The following PACRG variants were observed in gnomAD, a reference collection of about 807,000 sequenced individuals.
The protein encoded by PACRG is parkin coregulated, also known as parkin coregulated gene protein.
Under a neutral mutation model 29.7 loss-of-function variants are expected in PACRG, and 29 were observed. The observed-to-expected ratio is 0.98, with a 90% CI of 0.73 to 1.33. PACRG has a LOEUF of 1.33. Among genes scored for constraint, PACRG ranks in the 40% most tolerant of loss-of-function variants. The pLI is 0.00. For missense variants in PACRG, 279 were observed against 316.2 expected (o/e 0.88, Z 0.89); for synonymous variants, 116 against 118.7 (o/e 0.98, Z 0.15).
At chr6:163,104,868 G>A (rs1815295517) in intron 4 of PACRG, among the ~76,000 whole-genome samples, 1 of 152,114 alleles carries the variant, frequency 6.6e-6, no homozygotes, top group African/African-American at 2.4e-5. Flanking sequence ...TTGCCAAATT[G>A]ATATTTCAAG....
intron 4 of PACRG, among the ~76,000 whole-genome samples, chr6:163,154,073 T>C (rs566424859): frequency 6.6e-6 from 1 of 152,316 alleles, no homozygotes; most frequent in East Asian, 1.9e-4. Flanking sequence ...TAACATCTCC[T>C]TTCCCCAGGA....
At chr6:163,142,869 C>A (rs888707469) in intron 4 of PACRG, among the ~76,000 whole-genome samples, 2 of 152,092 alleles carry the variant, frequency 1.3e-5, no homozygotes, top group African/African-American at 4.8e-5. Context: ...AGAAATTCTA[C>A]AAAATACCAG....
chr6:163,115,041 A>G (rs995027167), intron 4 of PACRG, among the ~76,000 whole-genome samples: 1 of 152,236 alleles, frequency 6.6e-6, no homozygotes, highest in Non-Finnish European at 1.5e-5. Context: ...TTCTTTAAAG[A>G]TGTGTCTATG....
chr6:162,851,373 C>G (rs948211540), intron 2 of PACRG, among the ~76,000 whole-genome samples: 1 of 152,166 alleles, frequency 6.6e-6, no homozygotes, highest in African/African-American at 2.4e-5. Context: ...AGAGGACTGA[C>G]CTTCAAAATA....
chr6:162,787,576 GTGTGTGTATATA>G lies in PACRG; in HGVS notation c.157-26569_157-26558del, dbSNP rs1271356935. Among the ~76,000 whole-genome samples, 443 of 59,474 alleles carry G rather than the reference GTGTGTGTATATA, an allele frequency of 7.4e-3. 4 individuals carry two copies. Among genetic ancestry groups the G allele is most frequent in the African/African-American group, 0.027 (409 of 15,078 alleles). 39.0% of individuals were successfully genotyped at this position (59,474 alleles called of 152,430 possible). A position where few individuals can be genotyped will look rare whatever the true frequency, so the allele number is the denominator to read the frequency against. ...ATGGTTATTGTGTGTGTGTGTGTGT[GTGTGTGTATATA>G]TATATATATATATATATATATATAT... On this transcript the variant is annotated intron_variant, in intron 1 of 4. Coordinates refer to ENST00000366888, the MANE Select transcript of PACRG (RefSeq NM_001080379.2).
At chr6:163,182,827 T>C (rs899908076) in intron 4 of PACRG, 2 of 152,202 alleles carry the variant, frequency 1.3e-5, no homozygotes, top group Non-Finnish European at 2.9e-5. Flanking sequence ...TAGAGCATAG[T>C]CTTATTTAAT....
At chr6:163,242,059 T>A (rs1418927525) in intron 4 of PACRG, among the ~76,000 whole-genome samples, 1 of 145,548 alleles carries the variant, frequency 6.9e-6, no homozygotes, top group East Asian at 2.1e-4. Context: ...CAAAGCTCTT[T>A]AAAAGAAAAA....
chr6:162,815,610 G>A (rs1312822545), intron 2 of PACRG, among the ~76,000 whole-genome samples: 2 of 151,638 alleles, frequency 1.3e-5, no homozygotes, highest in Non-Finnish European at 2.9e-5. Flanking sequence ...TTATAATAGT[G>A]TCTGTTAGAA....
chr6:162,782,166 A>G (rs1784140506), intron 1 of PACRG, among the ~76,000 whole-genome samples: 1 of 151,936 alleles, frequency 6.6e-6, no homozygotes, highest in Non-Finnish European at 1.5e-5. Context: ...TAGGAATGAA[A>G]AGGATCATTA....
In PACRG at chr6:163,232,489, G is replaced by C. The variant is rs571747638; in HGVS notation, c.614-82338G>C. Among the ~76,000 whole-genome samples, 9 of 152,276 alleles carry C rather than the reference G, an allele frequency of 5.9e-5. No homozygotes were observed. In the South Asian group the frequency reaches 1.9e-3, roughly 32 times the overall value. ...GGAAAGGAGGAACAAAGGAAGAGGA[G>C]AAGGAAGAAGGCAGTGCAGTAAGGG... On this transcript the variant is annotated intron_variant, in intron 4 of 4. Transcript: ENST00000366888.
intron 3 of PACRG, among the ~76,000 whole-genome samples, chr6:163,066,770 A>G (rs1455936646): frequency 6.6e-6 from 1 of 152,198 alleles, no homozygotes; most frequent in Non-Finnish European, 1.5e-5. Flanking sequence ...CTGTATGTAA[A>G]CTCTCTAAAA....
chr6:163,298,764 A>G (rs1418869304), intron 4 of PACRG, among the ~76,000 whole-genome samples: 1 of 152,232 alleles, frequency 6.6e-6, no homozygotes, highest in Admixed American at 6.5e-5. Context: ...CCCAGATGCC[A>G]TAACTCAGTG....
At chr6:162,940,726 T>C (rs1225038622) in intron 2 of PACRG, among the ~76,000 whole-genome samples, 1 of 152,188 alleles carries the variant, frequency 6.6e-6, no homozygotes. Flanking sequence ...TTGCTTTTTC[T>C]GCTTCGGGTT....
At chr6:162,931,391 A>G (rs76693177) in intron 2 of PACRG, among the ~76,000 whole-genome samples, 21 of 146,234 alleles carry the variant, frequency 1.4e-4, no homozygotes, top group Non-Finnish European at 1.5e-4. Flanking sequence ...ATAAAAAAAA[A>G]TTTGCCTAAC....
At chr6:163,041,936 G>T (rs1307760199) in intron 2 of PACRG, among the ~76,000 whole-genome samples, 1 of 152,200 alleles carries the variant, frequency 6.6e-6, no homozygotes, top group Non-Finnish European at 1.5e-5. Flanking sequence ...CATGATCTCA[G>T]CTCACTGCAA....
intron 1 of PACRG, among the ~76,000 whole-genome samples, chr6:162,781,253 G>GAACCTATAA (rs1457480402): frequency 6.6e-6 from 1 of 151,950 alleles, no homozygotes; most frequent in East Asian, 1.9e-4. Flanking sequence ...AAAAAATTAT[G>GAACCTATAA]AACCTATAAT....
At chr6:163,105,386 A>G (rs1240636226) in intron 4 of PACRG, among the ~76,000 whole-genome samples, 3 of 152,206 alleles carry the variant, frequency 2.0e-5, no homozygotes, top group African/African-American at 7.2e-5. Flanking sequence ...ATTACTATTT[A>G]ATTTCTTGGT....
Position 162,838,224 on chromosome 6 carries a change from T to A in PACRG, c.291+23943T>A, listed in dbSNP as rs144890209. Among the ~76,000 whole-genome samples, 614 of 152,286 alleles carry A rather than the reference T, an allele frequency of 4.0e-3. 3 individuals are homozygous for A. The highest frequency in any genetic ancestry group is 0.01 in the Middle Eastern group (3 of 294). On this transcript the variant is annotated intron_variant, in intron 2 of 4. Coordinates refer to ENST00000366888, the MANE Select transcript of PACRG (RefSeq NM_001080379.2). ...TCTGAATCTCCGTGGCTTGACATAG[T>A]AAGGCCATCTGTCACTCATCTGTCA... is the stretch of plus-strand genomic sequence containing the variant.
At chr6:162,879,885 A>T (rs1381490723) in intron 2 of PACRG, among the ~76,000 whole-genome samples, 4 of 152,206 alleles carry the variant, frequency 2.6e-5, no homozygotes, top group Admixed American at 2.6e-4. Flanking sequence ...GGATTTCCTG[A>T]TATATCTACA....
Sources: gnomAD v4.1 joint callset for allele counts (sites outside exome capture counted in the v4.1 genomes callset) on GRCh38, gnomAD v4.1.1 for gene constraint, MANE v1.5 for transcripts, NCBI Gene and HGNC (gene_info 2026-07-23, HGNC 2026-07-21) for gene names.